BAZ1A: variants seen among roughly 807,000 people sequenced by gnomAD.
BAZ1A encodes bromodomain adjacent to zinc finger domain 1A.
BAZ1A carries 50 observed loss-of-function variants against 185.2 expected under a neutral mutation model. The observed-to-expected ratio is 0.27, with a 90% CI of 0.22 to 0.34. The LOEUF (loss-of-function observed/expected upper bound fraction) is 0.34, where lower values mean the gene tolerates loss of function less well. Among genes scored for constraint, BAZ1A ranks in the 10% least tolerant of loss-of-function variants. The probability of loss-of-function intolerance (pLI) is 1.00; values close to 1 mark genes in which losing one functional copy is unlikely to be tolerated. For missense variants in BAZ1A, 1,356 were observed against 1,839.9 expected (o/e 0.74, Z 4.81); for synonymous variants, 571 against 615.6 (o/e 0.93, Z 1.07).
intron 3 of BAZ1A, among the ~76,000 whole-genome samples, chr14:34,854,981 G>A (rs574538238): frequency 6.6e-6 from 1 of 152,124 alleles, no homozygotes; most frequent in African/African-American, 2.4e-5. Flanking sequence ...CAGGAGGCTG[G>A]GGCACAAGTA....
At chr14:34,780,392 A>T in intron 16 of BAZ1A, 82 bp from the exon 17 acceptor site, 1 of 1,412,254 alleles carries the variant, frequency 7.1e-7, no homozygotes, top group South Asian at 1.4e-5. Context: ...CTTATGAAGT[A>T]CCAGGCATTA....
At chr14:34,865,876 G>A (rs576643193) in intron 2 of BAZ1A, among the ~76,000 whole-genome samples, 1 of 152,088 alleles carries the variant, frequency 6.6e-6, no homozygotes, top group Non-Finnish European at 1.5e-5. Flanking sequence ...GAACTTTTTT[G>A]GGGGGAAGTA....
intron 9 of BAZ1A, among the ~76,000 whole-genome samples, chr14:34,796,464 T>C (rs571744822): frequency 3.1e-4 from 47 of 152,340 alleles, no homozygotes; most frequent in African/African-American, 1.1e-3. Flanking sequence ...AATTTGTCAT[T>C]TTCAAGATTC....
At chr14:34,786,064 A>C (rs1473701331) in intron 13 of BAZ1A, 62 bp downstream of exon 13, 1 of 1,567,826 alleles carries the variant, frequency 6.4e-7, no homozygotes, top group Non-Finnish European at 8.6e-7. Flanking sequence ...AGCAATGTAA[A>C]TGTGCCTTTA....
chr14:34,761,743 A>C lies in BAZ1A; in HGVS notation c.4243+14T>G. On this transcript the variant is annotated intron_variant, in intron 24 of 26. Transcript: ENST00000360310. The stretch of plus-strand genomic sequence containing the variant: ...AATTTTCCTAGGGAAGGAAGAGTTT[A>C]GATTTCTTCATACCTGGAGATTGTC... The C allele has an allele frequency of 6.3e-7, 1 of 1,582,272 alleles. No individual in the cohort carries two copies. Among genetic ancestry groups the C allele is most frequent in the Non-Finnish European group, 8.6e-7 (1 of 1,158,902 alleles).
intron 3 of BAZ1A, among the ~76,000 whole-genome samples, chr14:34,844,238 G>A (rs997142170): frequency 1.4e-5 from 2 of 145,502 alleles, no homozygotes; most frequent in Non-Finnish European, 3.0e-5. Context: ...AAAAAGAATG[G>A]TTTAAACACT....
intron 3 of BAZ1A, among the ~76,000 whole-genome samples, chr14:34,847,892 C>T (rs1324965561): frequency 1.3e-5 from 2 of 152,172 alleles, no homozygotes; most frequent in Non-Finnish European, 2.9e-5. Context: ...TAGTGTCTCG[C>T]TCTGTCACCC....
At chr14:34,795,160 G>A (rs1298497789) in intron 10 of BAZ1A, among the ~76,000 whole-genome samples, 1 of 152,154 alleles carries the variant, frequency 6.6e-6, no homozygotes, top group Non-Finnish European at 1.5e-5. Context: ...TAGGCTGAGT[G>A]TATTTCTGAC....
chr14:34,825,365 A>C (rs2042150786), intron 4 of BAZ1A, among the ~76,000 whole-genome samples: 1 of 147,400 alleles, frequency 6.8e-6, no homozygotes, highest in African/African-American at 2.5e-5. Flanking sequence ...AGGCAGGAGA[A>C]TCGCTTGAAC....
chr14:34,853,954 T>C (rs10129577), intron 3 of BAZ1A, among the ~76,000 whole-genome samples: 19,090 of 152,240 alleles, frequency 0.13, 1,404 homozygotes, highest in South Asian at 0.2. Context: ...AGGAGATAAG[T>C]GATGTTAAAT....
At chr14:34,757,142 A>T (rs984721357) in intron 25 of BAZ1A, among the ~76,000 whole-genome samples, 4 of 152,156 alleles carry the variant, frequency 2.6e-5, no homozygotes, top group Non-Finnish European at 1.5e-5. Flanking sequence ...AGACACATGG[A>T]TCACCTGAGG....
intron 9 of BAZ1A, 113 bp from the exon 10 acceptor site, chr14:34,795,878 C>T (rs1055744511): frequency 4.2e-6 from 3 of 715,640 alleles, no homozygotes; most frequent in African/African-American, 1.8e-5. Flanking sequence ...CCCATACCTA[C>T]TGAAGCAGTA....
chr14:34,785,218 T>C (rs1880361405), intron 14 of BAZ1A, among the ~76,000 whole-genome samples: 1 of 152,000 alleles, frequency 6.6e-6, no homozygotes, highest in Non-Finnish European at 1.5e-5. Flanking sequence ...TATAATCACA[T>C]GAATTAAAAA....
At chr14:34,851,899 G>A (rs530215211) in intron 3 of BAZ1A, among the ~76,000 whole-genome samples, 9 of 151,864 alleles carry the variant, frequency 5.9e-5, no homozygotes, top group East Asian at 1.9e-4. Flanking sequence ...AGGCTGAGGC[G>A]GGCGGATCAC....
chr14:34,848,010 C>A (rs1203765641), intron 3 of BAZ1A, among the ~76,000 whole-genome samples: 1 of 152,114 alleles, frequency 6.6e-6, no homozygotes, highest in Non-Finnish European at 1.5e-5. Flanking sequence ...CAGGCACGCA[C>A]TACCAAGCCC....
intron 4 of BAZ1A, among the ~76,000 whole-genome samples, chr14:34,815,005 C>T (rs1419346518): frequency 6.6e-6 from 1 of 151,936 alleles, no homozygotes; most frequent in Non-Finnish European, 1.5e-5. Context: ...GAACTCCTGA[C>T]CTCAGGTAAT....
chr14:34,800,960 T>C lies in BAZ1A; in HGVS notation c.961+134A>G, dbSNP rs373378158. 4.4e-5 allele frequency: 27 copies of C among 609,660 alleles called. No individual in the cohort carries two copies. The African/African-American group carries it at 4.8e-4, about 11-fold the overall frequency. 37.8% of individuals were successfully genotyped at this position (609,660 alleles called of 1,614,324 possible). ...CAAACAAACAAATAAACAATAGTTATCTGATAGAAAAAATAACTGCACTTC... is the reference window on the plus strand; with the variant it reads ...CAAACAAACAAATAAACAATAGTTACCTGATAGAAAAAATAACTGCACTTC... On this transcript the variant is annotated intron_variant, in intron 8 of 26. Transcript: ENST00000360310.
chr14:34,780,161 T>G (rs781084874), intron 17 of BAZ1A, 25 bp downstream of exon 17: 68 of 1,610,952 alleles, frequency 4.2e-5, no homozygotes, highest in Non-Finnish European at 5.3e-5. Flanking sequence ...TACACAAGAA[T>G]GCCCTAAAGA....
rs201853794 is a variant in BAZ1A, at chr14:34,838,194, G to A, written c.393-12038C>T. Among the ~76,000 whole-genome samples the A allele has an allele frequency of 3.3e-5, 5 of 152,278 alleles. No individual in the cohort carries two copies. The East Asian group carries it at 5.8e-4, about 18-fold the overall frequency. On this transcript the variant is annotated intron_variant, in intron 3 of 26. Coordinates refer to ENST00000360310, the MANE Select transcript of BAZ1A (RefSeq NM_013448.3). ...TCTGTTTATGCCATTAAACACTTCC[G>A]TTATATGCATCCAAGGCAAATCCTG...
Sources: allele counts gnomAD v4.1 joint callset (sites outside exome capture counted in the v4.1 genomes callset), GRCh38; gene constraint gnomAD v4.1.1; transcripts MANE v1.5; gene names NCBI Gene and HGNC (gene_info 2026-07-23, HGNC 2026-07-21).